CDH22: variants seen among roughly 807,000 people sequenced by gnomAD.
CDH22 encodes cadherin 22, also known as cadherin-22.
Under a neutral mutation model 58.4 loss-of-function variants are expected in CDH22, and 30 were observed. The ratio of observed to expected loss-of-function variants is 0.51; its 90% CI spans 0.38 to 0.70. CDH22 has a LOEUF of 0.70. Among genes scored for constraint, CDH22 ranks in the 30% least tolerant of loss-of-function variants. The pLI, the probability that CDH22 is intolerant of heterozygous loss-of-function variation, is 0.00. For synonymous variants in CDH22, 513 were observed against 558.2 expected (o/e 0.92, Z 1.14); for missense variants, 1,014 against 1,233.9 (o/e 0.82, Z 2.67).
chr20:46,250,041 G>T (rs1481730300), intron 2 of CDH22, among the ~76,000 whole-genome samples: 1 of 152,150 alleles, frequency 6.6e-6, no homozygotes, highest in Non-Finnish European at 1.5e-5. Flanking sequence ...AGTGGCAGAG[G>T]CTGGATCTCA....
chr20:46,181,741 TTCC>T (rs2085787264), intron 10 of CDH22, among the ~76,000 whole-genome samples: 2 of 87,626 alleles, frequency 2.3e-5, no homozygotes, highest in Non-Finnish European at 4.8e-5. Flanking sequence ...CCTTCCTTCC[TTCC>T]TTCCTTCCTT....
Position 46,210,448 on chromosome 20 carries a change from C to A in CDH22, c.1145G>T (p.Arg382Leu). 1 of 1,440,422 alleles carries A rather than the reference C, an allele frequency of 6.9e-7. No homozygotes were observed. Among genetic ancestry groups the A allele is most frequent in the Non-Finnish European group, 9.1e-7 (1 of 1,094,926 alleles). The allele number at this position is 1,440,422 out of a possible 1,614,324, so 89.2% of individuals were successfully genotyped here. The part of the protein sequence containing the change: ...LGTFRDQAIV[R>L]VAVTDVDEPP... ...CTCGTCCACGTCGGTCACGGCCACG[C>A]GCACGATCGCCTGGTCGCGGAACGT... Residue 382 changes from arginine to leucine, a missense_variant, in exon 7 of 12, where the codon CGC becomes CTC. Transcript: ENST00000537909. The surrounding 1 kb of genome is among the most constrained non-coding windows in gnomAD (Gnocchi z 4.5).
intron 3 of CDH22, among the ~76,000 whole-genome samples, chr20:46,235,634 G>T (rs1286354179): frequency 6.6e-6 from 1 of 152,110 alleles, no homozygotes; most frequent in African/African-American, 2.4e-5. Context: ...AGTTGCTCAG[G>T]CCCAAAACTT....
At chr20:46,193,025 G>A (rs1281772545) in intron 8 of CDH22, among the ~76,000 whole-genome samples, 1 of 152,080 alleles carries the variant, frequency 6.6e-6, no homozygotes, top group Non-Finnish European at 1.5e-5. Context: ...ACCTTATTGG[G>A]GGGACGTTTA....
intron 6 of CDH22, among the ~76,000 whole-genome samples, chr20:46,211,163 G>A (rs1337677156): frequency 6.6e-6 from 1 of 152,220 alleles, no homozygotes; most frequent in East Asian, 1.9e-4. Context: ...CTTATCGGGG[G>A]GTGCTAATGG....
At chr20:46,262,002 G>A (rs998789070) in intron 1 of CDH22, among the ~76,000 whole-genome samples, 3 of 152,116 alleles carry the variant, frequency 2.0e-5, no homozygotes, top group African/African-American at 7.2e-5. Flanking sequence ...CATCACTGAT[G>A]TGTGCAGGGG....
intron 7 of CDH22, among the ~76,000 whole-genome samples, chr20:46,201,412 C>T (rs1187754065): frequency 6.6e-6 from 1 of 152,222 alleles, no homozygotes; most frequent in Non-Finnish European, 1.5e-5. Context: ...GGCCTCAACT[C>T]CCCCATCTCT....
chr20:46,249,469 G>T (rs1408762193), intron 2 of CDH22, among the ~76,000 whole-genome samples: 1 of 152,114 alleles, frequency 6.6e-6, no homozygotes, highest in Non-Finnish European at 1.5e-5. Flanking sequence ...CATTCATTCA[G>T]CCACATGTAT....
At chr20:46,283,675 C>T (rs2086561108) in intron 1 of CDH22, among the ~76,000 whole-genome samples, 1 of 152,056 alleles carries the variant, frequency 6.6e-6, no homozygotes, top group Admixed American at 6.5e-5. Context: ...CCCAGGTATC[C>T]ACCCACCCCT....
intron 2 of CDH22, among the ~76,000 whole-genome samples, chr20:46,247,053 C>CG (rs983124819): frequency 2.6e-5 from 4 of 151,610 alleles, no homozygotes; most frequent in African/African-American, 7.3e-5. Context: ...ACCTTCCCCC[C>CG]CACTTAGTGG....
At chr20:46,198,650 T>C (rs1417468256) in intron 8 of CDH22, among the ~76,000 whole-genome samples, 1 of 152,178 alleles carries the variant, frequency 6.6e-6, no homozygotes, top group South Asian at 2.1e-4. Context: ...ATGCCTCCAA[T>C]GACTCTAACT....
At chr20:46,296,432 A>T (rs899319155) in intron 1 of CDH22, among the ~76,000 whole-genome samples, 1 of 152,348 alleles carries the variant, frequency 6.6e-6, no homozygotes, top group South Asian at 2.1e-4. Context: ...TCCAACAGGG[A>T]TTGGTGCCCA....
chr20:46,266,112 A>G (rs1192579897), intron 1 of CDH22, among the ~76,000 whole-genome samples: 2 of 152,114 alleles, frequency 1.3e-5, no homozygotes, highest in Non-Finnish European at 2.9e-5. Flanking sequence ...TGAGTCTATT[A>G]AAGTTTATCT....
At chr20:46,291,147 T>C (rs999506380) in intron 1 of CDH22, among the ~76,000 whole-genome samples, 4 of 152,156 alleles carry the variant, frequency 2.6e-5, no homozygotes, top group Non-Finnish European at 5.9e-5. Context: ...TGTGGTGGCA[T>C]GTGCCTGTAA....
chr20:46,296,824 A>T (rs900491327), intron 1 of CDH22, among the ~76,000 whole-genome samples: 19 of 152,032 alleles, frequency 1.2e-4, no homozygotes, highest in Non-Finnish European at 2.2e-4. Flanking sequence ...CATTTTCTCT[A>T]ATTTGTGATT....
At chr20:46,209,410 G>A (rs2086023750) in intron 7 of CDH22, among the ~76,000 whole-genome samples, 1 of 152,182 alleles carries the variant, frequency 6.6e-6, no homozygotes, top group African/African-American at 2.4e-5. Context: ...GGAGGCCAGA[G>A]CTGTCATTGT....
chr20:46,295,023 C>T (rs879462220), intron 1 of CDH22, among the ~76,000 whole-genome samples: 2 of 152,166 alleles, frequency 1.3e-5, no homozygotes, highest in Non-Finnish European at 2.9e-5. Context: ...GAGACCTCTT[C>T]CACGAAGGGC....
rs1271432966 is a variant in CDH22, at chr20:46,210,486, G to C, written c.1107C>G (p.Phe369Leu). The change falls in exon 7 of 12, where the codon TTC (phenylalanine) becomes TTG (leucine). Residue 369 changes from phenylalanine to leucine, a missense_variant. Phe to Leu is a conservative substitution (Grantham distance 22). Around this residue, in one of 2 missense-constraint regions of CDH22, gnomAD observed 806 missense variants for 1,038.7 expected, o/e 0.78. Coordinates refer to ENST00000537909, the MANE Select transcript of CDH22 (RefSeq NM_021248.3). The surrounding 1 kb of genome is among the most constrained non-coding windows in gnomAD (Gnocchi z 4.5). ...GGTCGCGGAACGTGCCCAGGTCGGC[G>C]AAGCGGGGGTCCACGAACTTGTTGA... ...EALNKFVDPR[F>L]ADLGTFRDQA... 11 of 1,432,732 alleles carry C rather than the reference G, an allele frequency of 7.7e-6. No individual in the cohort carries two copies. Among genetic ancestry groups the C allele is most frequent in the Non-Finnish European group, 1.0e-5 (11 of 1,090,366 alleles). 88.8% of individuals were successfully genotyped at this position (1,432,732 alleles called of 1,614,324 possible). A position where few individuals can be genotyped will look rare whatever the true frequency, so the allele number is the denominator to read the frequency against.
intron 10 of CDH22, among the ~76,000 whole-genome samples, chr20:46,182,159 A>G (rs932298729): frequency 2.6e-5 from 4 of 152,124 alleles, no homozygotes; most frequent in Non-Finnish European, 5.9e-5. Context: ...GAGGCCATTG[A>G]TTGGTGGGCT....
Sources: allele counts gnomAD v4.1 joint callset (sites outside exome capture counted in the v4.1 genomes callset), GRCh38; gene constraint gnomAD v4.1.1; regional missense constraint gnomAD v4.1.1; non-coding constraint Gnocchi (gnomAD v3.1); transcripts MANE v1.5; gene names NCBI Gene and HGNC (gene_info 2026-07-23, HGNC 2026-07-21).